SNTG1: variants seen among roughly 807,000 people sequenced by gnomAD.
SNTG1 encodes the protein syntrophin gamma 1.
A neutral mutation model predicts 74.7 loss-of-function variants in SNTG1; 39 were observed. The observed-to-expected ratio is 0.52, with a 90% CI of 0.40 to 0.68. The LOEUF (loss-of-function observed/expected upper bound fraction) is 0.68. Ranked by LOEUF, SNTG1 falls within the 30% of genes least tolerant of loss-of-function variation. SNTG1 has a pLI of 0.00. For synonymous variants in SNTG1, 254 were observed against 217.1 expected, an observed-to-expected ratio of 1.17 and a Z score of -1.49; for missense variants, 685 against 609.5, an observed-to-expected ratio of 1.12 and a Z score of -1.30.
At position 50,408,021 on chromosome 8, in the gene SNTG1, C is replaced by T. The variant is rs2092901773; in HGVS notation, c.162+5677C>T. 2.6e-5 allele frequency among the ~76,000 whole-genome samples: 4 copies of T among 152,066 alleles called. No individual in the cohort carries two copies. In the South Asian group the frequency reaches 8.3e-4, roughly 32 times the overall value. Reference sequence around the variant, plus strand: ...ACAATAGCAGTGTTACCTAGAGGGGCAACTGGGGAAGTTACAAATCTTCAG... The same window carrying T: ...ACAATAGCAGTGTTACCTAGAGGGGTAACTGGGGAAGTTACAAATCTTCAG... On this transcript the variant is annotated intron_variant, in intron 4 of 18. Coordinates refer to ENST00000642720, the MANE Select transcript of SNTG1 (RefSeq NM_018967.5).
chr8:50,160,731 C>A (rs1182973473), intron 1 of SNTG1, among the ~76,000 whole-genome samples: 3 of 152,030 alleles, frequency 2.0e-5, no homozygotes, highest in Non-Finnish European at 2.9e-5. Context: ...GGATTTTGAA[C>A]CTGAAGTCAT....
chr8:50,638,969 T>C (rs1471270768), intron 13 of SNTG1, among the ~76,000 whole-genome samples: 5 of 152,144 alleles, frequency 3.3e-5, no homozygotes, highest in African/African-American at 1.2e-4. Flanking sequence ...AAGATCATTT[T>C]ATGCTAAAAG....
intron 2 of SNTG1, among the ~76,000 whole-genome samples, chr8:50,321,521 C>T (rs2090528742): frequency 6.6e-6 from 1 of 151,934 alleles, no homozygotes; most frequent in African/African-American, 2.4e-5. Context: ...GAGTTTAGTC[C>T]ATTTAAATTC....
At chr8:50,360,353 C>T (rs774492386) in intron 2 of SNTG1, among the ~76,000 whole-genome samples, 2 of 152,132 alleles carry the variant, frequency 1.3e-5, no homozygotes, top group Admixed American at 6.5e-5. Flanking sequence ...CAACATCTGG[C>T]AGATCATGTG....
At chr8:50,727,555 C>G (rs1316085634) in intron 17 of SNTG1, among the ~76,000 whole-genome samples, 1 of 152,174 alleles carries the variant, frequency 6.6e-6, no homozygotes, top group Non-Finnish European at 1.5e-5. Flanking sequence ...TGGATTCTCA[C>G]TGGCCCTGGA....
At chr8:50,065,860 G>A (rs1820856434) in intron 1 of SNTG1, among the ~76,000 whole-genome samples, 1 of 152,088 alleles carries the variant, frequency 6.6e-6, no homozygotes, top group Admixed American at 6.5e-5. Flanking sequence ...TTCCTAGGAT[G>A]TTTTGTCTAG....
At chr8:49,919,730 T>G (rs1181818985) in intron 1 of SNTG1, among the ~76,000 whole-genome samples, 1 of 152,120 alleles carries the variant, frequency 6.6e-6, no homozygotes, top group Non-Finnish European at 1.5e-5. Context: ...CCAGAACAGT[T>G]ATTTTTTCTA....
chr8:50,087,097 T>C (rs182684635), intron 1 of SNTG1, among the ~76,000 whole-genome samples: 1 of 152,292 alleles, frequency 6.6e-6, no homozygotes, highest in Admixed American at 6.5e-5. Context: ...ATGTTCCAGA[T>C]AGTTTTTGTG....
chr8:50,366,304 C>G (rs1269907007), intron 2 of SNTG1, among the ~76,000 whole-genome samples: 5 of 152,196 alleles, frequency 3.3e-5, no homozygotes, highest in Non-Finnish European at 7.3e-5. Context: ...CGCCCAAGAT[C>G]ACAGAGTGAG....
intron 11 of SNTG1, among the ~76,000 whole-genome samples, chr8:50,544,364 T>A (rs2623212): frequency 0.4 from 61,211 of 151,698 alleles, 16,664 homozygotes; most frequent in African/African-American, 0.78. Flanking sequence ...ATTTCAAAAT[T>A]TATTATTGCT....
chr8:50,609,174 A>G (rs1585835595), intron 13 of SNTG1, among the ~76,000 whole-genome samples: 1 of 152,042 alleles, frequency 6.6e-6, no homozygotes, highest in African/African-American at 2.4e-5. Context: ...ACTGCCTGGC[A>G]TTAGTTTTCG....
chr8:50,331,019 T>C (rs2090943504), intron 2 of SNTG1, among the ~76,000 whole-genome samples: 1 of 152,212 alleles, frequency 6.6e-6, no homozygotes, highest in African/African-American at 2.4e-5. Flanking sequence ...TTTGCTTCTC[T>C]ACAGGTAATA....
At chr8:50,686,055 T>C (rs1265053036) in intron 15 of SNTG1, among the ~76,000 whole-genome samples, 1 of 152,140 alleles carries the variant, frequency 6.6e-6, no homozygotes, top group Non-Finnish European at 1.5e-5. Flanking sequence ...TCAATTATGG[T>C]AAATGTTACA....
At chr8:49,957,241 G>C (rs993089507) in intron 1 of SNTG1, among the ~76,000 whole-genome samples, 52 of 152,150 alleles carry the variant, frequency 3.4e-4, no homozygotes, top group African/African-American at 1.3e-3. Flanking sequence ...GTTTCCAGCA[G>C]ACAGCCATGT....
At chr8:50,643,320 T>A (rs1053276415) in intron 13 of SNTG1, among the ~76,000 whole-genome samples, 1 of 152,180 alleles carries the variant, frequency 6.6e-6, no homozygotes, top group African/African-American at 2.4e-5. Flanking sequence ...ACTGCTTAAT[T>A]TCAATGTCTT....
intron 13 of SNTG1, among the ~76,000 whole-genome samples, chr8:50,610,118 G>T (rs2094839996): frequency 6.6e-6 from 1 of 152,058 alleles, no homozygotes; most frequent in Non-Finnish European, 1.5e-5. Context: ...ATTTTTAATT[G>T]TGTCTTATTG....
chr8:50,228,476 G>A (rs1424216385), intron 2 of SNTG1, among the ~76,000 whole-genome samples: 3 of 151,764 alleles, frequency 2.0e-5, no homozygotes, highest in Non-Finnish European at 2.9e-5. Context: ...TCTATTCCTA[G>A]GAATATTTAA....
intron 9 of SNTG1, among the ~76,000 whole-genome samples, chr8:50,525,011 C>CTTTTACT: frequency 6.6e-6 from 1 of 152,056 alleles, no homozygotes; most frequent in Non-Finnish European, 1.5e-5. Flanking sequence ...ATCTAGTGTT[C>CTTTTACT]TTTTACTTCA....
intron 18 of SNTG1, among the ~76,000 whole-genome samples, chr8:50,772,377 G>A (rs554449607): frequency 1.0e-3 from 152 of 152,236 alleles, no homozygotes; most frequent in Middle Eastern, 6.8e-3. Context: ...TTGGACTTAT[G>A]TAGGGCCTGT....
Sources: allele counts gnomAD v4.1 joint callset (sites outside exome capture counted in the v4.1 genomes callset), GRCh38; gene constraint gnomAD v4.1.1; transcripts MANE v1.5; gene names NCBI Gene and HGNC (gene_info 2026-07-23, HGNC 2026-07-21).